The following PCDHA1 variants were observed in gnomAD, a reference collection of about 807,000 sequenced individuals.
The protein encoded by PCDHA1 is protocadherin alpha-1.
A neutral mutation model predicts 61.3 loss-of-function variants in PCDHA1; 42 were observed. The ratio of observed to expected loss-of-function variants is 0.69; its 90% CI spans 0.54 to 0.89. The LOEUF (loss-of-function observed/expected upper bound fraction) is 0.89, where lower values mean the gene tolerates loss of function less well. Ranked by LOEUF, PCDHA1 falls within the 40% of genes least tolerant of loss-of-function variation. The pLI is 0.00. For synonymous variants in PCDHA1, 610 were observed against 553.8 expected (o/e 1.10, Z -1.43); for missense variants, 1,256 against 1,235.3 (o/e 1.02, Z -0.25).
At chr5:140,843,130 C>T (rs2150353538) in intron 1 of PCDHA1, 5 of 1,596,012 alleles carry the variant, frequency 3.1e-6, no homozygotes, top group Non-Finnish European at 4.3e-6. Flanking sequence ...ACTCGGGCTA[C>T]AACGCGTGGC....
At chr5:140,855,517 A>G (rs2043504995) in intron 1 of PCDHA1, among the ~76,000 whole-genome samples, 1 of 149,978 alleles carries the variant, frequency 6.7e-6, no homozygotes, top group Admixed American at 6.7e-5. Flanking sequence ...TCTCAAAATA[A>G]TGAGAAAGAG....
At chr5:140,807,189 T>C (rs1554123777) in intron 1 of PCDHA1, 3 of 1,613,154 alleles carry the variant, frequency 1.9e-6, no homozygotes, top group Admixed American at 1.7e-5. Context: ...GCACTAAAGA[T>C]GGAGTTTTCC....
chr5:140,854,133 G>A (rs1220974907), intron 1 of PCDHA1: 1 of 410,736 alleles, frequency 2.4e-6, no homozygotes, highest in Non-Finnish European at 3.2e-6. Flanking sequence ...CTGCATTTCA[G>A]CCCGGGTGAC....
rs782354452 is a variant in PCDHA1, at chr5:140,966,783, C to G, written c.2395-12166C>G. 28 of 1,520,948 alleles carry G rather than the reference C, an allele frequency of 1.8e-5. No homozygotes were observed. The highest frequency in any genetic ancestry group is 2.1e-4 in the Middle Eastern group (1 of 4,706). The allele number at this position is 1,520,948 out of a possible 1,614,324, so 94.2% of individuals were successfully genotyped here. On this transcript the variant is annotated intron_variant, in intron 1 of 3. Transcript: ENST00000504120. ...CCAGTGGCTATGGAGCAGGCGGGCA[C>G]CAGACCTGCGGCGACAGAGCATCCA...
chr5:141,007,084 AAG>A lies in PCDHA1; in HGVS notation c.2543-2538_2543-2537del, dbSNP rs576927752. On this transcript the variant is annotated intron_variant, in intron 3 of 3. Transcript: ENST00000504120. ...AGGAGAGAGTGAAGAGAAAATAGAG[AAG>A]AGAGTCTAGGGCCAAACCCAAGGAA... Among the ~76,000 whole-genome samples, 32 of 152,274 alleles carry A rather than the reference AAG, an allele frequency of 2.1e-4. No individual in the cohort carries two copies. The East Asian group carries it at 3.3e-3, about 16-fold the overall frequency.
intron 1 of PCDHA1, chr5:140,869,898 C>T (rs782158709): frequency 6.2e-7 from 1 of 1,610,356 alleles, no homozygotes; most frequent in Non-Finnish European, 8.5e-7. Flanking sequence ...TCAAACTAAA[C>T]GCCACAGACC....
At chr5:140,828,526 T>C in intron 1 of PCDHA1, 4 of 1,614,226 alleles carry the variant, frequency 2.5e-6, no homozygotes, top group Non-Finnish European at 3.4e-6. Context: ...TTTACGAATC[T>C]AGGCTGCCAG....
At chr5:140,853,090 A>T in intron 1 of PCDHA1, 2 of 331,170 alleles carry the variant, frequency 6.0e-6, no homozygotes, top group Non-Finnish European at 8.8e-6. Flanking sequence ...CGTGTTAGTC[A>T]GGATGGTCTC....
intron 1 of PCDHA1, chr5:140,822,396 C>T (rs2150116013): frequency 1.9e-6 from 3 of 1,613,902 alleles, no homozygotes; most frequent in Non-Finnish European, 2.5e-6. Flanking sequence ...CACAAGAACA[C>T]CGTTTATTAG....
In PCDHA1 at chr5:140,853,628, A is replaced by G. The variant is rs782528140; in HGVS notation, c.2394+64944A>G. ...GGGGTGCTGTAAATAAGTATACAAG[A>G]TCACAGACCTAAATTGAGCCTGTTC... On this transcript the variant is annotated intron_variant, in intron 1 of 3. Transcript: ENST00000504120. The G allele has an allele frequency of 2.2e-5, 22 of 988,404 alleles. 3 individuals are homozygous for G. The highest frequency in any genetic ancestry group is 2.6e-5 in the Non-Finnish European group (21 of 820,488). The allele number at this position is 988,404 out of a possible 1,614,324, so 61.2% of individuals were successfully genotyped here.
At chr5:141,006,483 G>T (rs1351534173) in intron 3 of PCDHA1, among the ~76,000 whole-genome samples, 1 of 152,126 alleles carries the variant, frequency 6.6e-6, no homozygotes, top group Non-Finnish European at 1.5e-5. Context: ...AAAGTGCTGG[G>T]ATTACATGTG....
At chr5:140,990,736 C>G (rs181451094) in intron 3 of PCDHA1, among the ~76,000 whole-genome samples, 22 of 152,218 alleles carry the variant, frequency 1.4e-4, no homozygotes, top group African/African-American at 5.3e-4. Flanking sequence ...TATCAACAGC[C>G]CTAGGGTGGA....
intron 1 of PCDHA1, chr5:140,883,465 C>T: frequency 6.2e-7 from 1 of 1,614,156 alleles, no homozygotes; most frequent in South Asian, 1.1e-5. Context: ...AGCTGGTGTC[C>T]ACCTACAAGA....
At chr5:140,960,748 A>C (rs1408249489) in intron 1 of PCDHA1, among the ~76,000 whole-genome samples, 1 of 152,008 alleles carries the variant, frequency 6.6e-6, no homozygotes, top group Non-Finnish European at 1.5e-5. Flanking sequence ...TCCATGGCTA[A>C]AATCCCAAGA....
chr5:140,828,025 G>A (rs1554130972), intron 1 of PCDHA1: 1 of 1,517,138 alleles, frequency 6.6e-7, no homozygotes, highest in African/African-American at 1.4e-5. Context: ...AATAAATTCC[G>A]GAACATACAG....
chr5:140,885,206 A>T (rs1304868227), intron 1 of PCDHA1, among the ~76,000 whole-genome samples: 1 of 152,038 alleles, frequency 6.6e-6, no homozygotes, highest in Admixed American at 6.6e-5. Context: ...CATATATCCC[A>T]TGAAAAATAT....
At chr5:140,816,507 T>TTG (rs2126672374) in intron 1 of PCDHA1, 46,838 of 149,332 alleles carry the variant, frequency 0.31, 7,468 homozygotes, top group East Asian at 0.5. Flanking sequence ...GGAGGTGTGT[T>TTG]TGTGTGTGTG....
At chr5:140,998,881 T>C (rs892142070) in intron 3 of PCDHA1, among the ~76,000 whole-genome samples, 13 of 152,224 alleles carry the variant, frequency 8.5e-5, no homozygotes, top group Admixed American at 2.6e-4. Flanking sequence ...ATAAGTTTAG[T>C]TGAATAAATA....
chr5:140,848,447 C>G, intron 1 of PCDHA1: 1 of 1,507,352 alleles, frequency 6.6e-7, no homozygotes, highest in East Asian at 2.3e-5. Flanking sequence ...ATGATTTCTT[C>G]TAATTTGGAG....
Sources: allele counts gnomAD v4.1 joint callset (sites outside exome capture counted in the v4.1 genomes callset), GRCh38; gene constraint gnomAD v4.1.1; transcripts MANE v1.5; gene names NCBI Gene and HGNC (gene_info 2026-07-23, HGNC 2026-07-21).